Variants in COPS3 observed in about 807,000 individuals in gnomAD.
The protein encoded by COPS3 is COP9 signalosome complex subunit 3.
A neutral mutation model predicts 58.2 loss-of-function variants in COPS3; 10 were observed. The ratio of observed to expected loss-of-function variants is 0.17; its 90% CI spans 0.11 to 0.29. The LOEUF is 0.29. Among genes scored for constraint, COPS3 ranks in the 10% least tolerant of loss-of-function variants. The probability of loss-of-function intolerance (pLI) is 1.00; values close to 1 mark genes in which losing one functional copy is unlikely to be tolerated. For missense variants in COPS3, 333 were observed against 510.1 expected (o/e 0.65, Z 3.34); for synonymous variants, 187 against 181.7 (o/e 1.03, Z -0.24).
chr17:17,279,151 G>A (rs1007283756), intron 1 of COPS3, among the ~76,000 whole-genome samples: 1 of 152,158 alleles, frequency 6.6e-6, no homozygotes, highest in African/African-American at 2.4e-5. Context: ...TGGAATTACA[G>A]GAGTGAGCCA....
chr17:17,256,413 G>T (rs1038044060), intron 8 of COPS3, among the ~76,000 whole-genome samples: 3 of 152,048 alleles, frequency 2.0e-5, no homozygotes, highest in African/African-American at 7.2e-5. Context: ...TTAAACAAAT[G>T]GGGGAGTTAA....
chr17:17,252,923 A>T (rs906468307), intron 9 of COPS3, among the ~76,000 whole-genome samples: 2 of 152,184 alleles, frequency 1.3e-5, no homozygotes, highest in Non-Finnish European at 2.9e-5. Context: ...AAATTCAACT[A>T]TCAAAATGAA....
intron 2 of COPS3, among the ~76,000 whole-genome samples, chr17:17,272,073 A>C (rs936808402): frequency 2.6e-5 from 4 of 151,652 alleles, no homozygotes; most frequent in Admixed American, 2.6e-4. Context: ...GCAGATCACA[A>C]GGTCAGGAGT....
Position 17,247,630 on chromosome 17 carries a change from C to G in COPS3, c.1138-70G>C, listed in dbSNP as rs1417425231. On this transcript the variant is annotated intron_variant, in intron 10 of 11. Transcript: ENST00000268717. ...TCAGCTGCATCCTTTCTAACTTACACTGTTCACAAGGGTGCTATAGGTTCA... is the reference window on the plus strand; with the variant it reads ...TCAGCTGCATCCTTTCTAACTTACAGTGTTCACAAGGGTGCTATAGGTTCA... The G allele has an allele frequency of 3.4e-6, 5 of 1,476,284 alleles. No individual in the cohort carries two copies. In the South Asian group the frequency reaches 3.4e-5, roughly 10 times the overall value. The allele number at this position is 1,476,284 out of a possible 1,614,324, so 91.4% of individuals were successfully genotyped here. A position where few individuals can be genotyped will look rare whatever the true frequency, so the allele number is the denominator to read the frequency against.
intron 9 of COPS3, among the ~76,000 whole-genome samples, chr17:17,254,358 A>G (rs972701841): frequency 8.6e-5 from 13 of 151,800 alleles, no homozygotes; most frequent in Non-Finnish European, 1.6e-4. Context: ...TGTGTATATC[A>G]TATGAGCACA....
chr17:17,247,525 T>C lies in COPS3; in HGVS notation c.1173A>G (p.Lys391=). Residue 391 remains lysine, a synonymous_variant, in exon 11 of 12, where the codon AAA becomes AAG. Coordinates refer to ENST00000268717, the MANE Select transcript of COPS3 (RefSeq NM_003653.4). ...LKCIELDERL[K]AMDQEITVNP... is the part of the protein sequence containing the mutation. ...TCACTGTGATCTCCTGGTCCATGGCTTTCAGCCGCTCATCCAGCTCAATGC... is the reference window on the plus strand; with the variant it reads ...TCACTGTGATCTCCTGGTCCATGGCCTTCAGCCGCTCATCCAGCTCAATGC... The C allele has an allele frequency of 6.2e-7, 1 of 1,614,240 alleles. No homozygotes were observed. Among genetic ancestry groups the C allele is most frequent in the Non-Finnish European group, 8.5e-7 (1 of 1,180,034 alleles).
intron 1 of COPS3, among the ~76,000 whole-genome samples, chr17:17,278,666 C>T (rs1409729470): frequency 6.6e-6 from 1 of 152,138 alleles, no homozygotes. Flanking sequence ...TAATTTGTAA[C>T]ACCCAGAAAT....
In COPS3 at chr17:17,281,183, C is replaced by T. The variant is rs1420028668; in HGVS notation, c.4G>A (p.Ala2Thr). The T allele has an allele frequency of 1.2e-6, 2 of 1,610,564 alleles. No homozygotes were observed. Among genetic ancestry groups the T allele is most frequent in the Admixed American group, 1.7e-5 (1 of 59,572 alleles). ...TTCACGAACTGCTCCAGGGCAGACGCCATGTTTTCCCCCGGGCGGCCCGAG... is the reference window on the plus strand; with the variant it reads ...TTCACGAACTGCTCCAGGGCAGACGTCATGTTTTCCCCCGGGCGGCCCGAG... M[A>T]SALEQFVNSV... Residue 2 changes from alanine to threonine, a missense_variant, in exon 1 of 12, where the codon GCG becomes ACG. Coordinates refer to ENST00000268717, the MANE Select transcript of COPS3 (RefSeq NM_003653.4).
intron 1 of COPS3, chr17:17,280,658 G>A (rs1175776991): frequency 3.8e-6 from 5 of 1,305,206 alleles, no homozygotes; most frequent in Non-Finnish European, 5.0e-6. Flanking sequence ...GGAGGAGCTG[G>A]CAGAGGCGAG....
intron 1 of COPS3, chr17:17,280,765 T>G (rs996047194): frequency 8.0e-7 from 1 of 1,249,876 alleles, no homozygotes; most frequent in Non-Finnish European, 1.0e-6. Context: ...GACATGGCGG[T>G]GCGCCAATCA....
At chr17:17,274,831 C>T (rs891395378) in intron 2 of COPS3, among the ~76,000 whole-genome samples, 1 of 151,890 alleles carries the variant, frequency 6.6e-6, no homozygotes, top group Non-Finnish European at 1.5e-5. Context: ...TGATTTCTCC[C>T]CTAAAACCTA....
At chr17:17,249,185 A>T (rs1321780064) in intron 9 of COPS3, 146 bp from the exon 10 acceptor site, 2 of 569,710 alleles carry the variant, frequency 3.5e-6, no homozygotes, top group Non-Finnish European at 6.1e-6. Flanking sequence ...CTGTTTATCC[A>T]AGTATTTATT....
At chr17:17,267,736 G>C in intron 5 of COPS3, 149 bp downstream of exon 5, 1 of 601,118 alleles carries the variant, frequency 1.7e-6, no homozygotes, top group Non-Finnish European at 2.6e-6. Flanking sequence ...GCACCCGCCT[G>C]AATGTAATAG....
chr17:17,258,771 G>A (rs2048032175), intron 8 of COPS3, among the ~76,000 whole-genome samples: 1 of 152,178 alleles, frequency 6.6e-6, no homozygotes, highest in Non-Finnish European at 1.5e-5. Flanking sequence ...TGTAGGTCAA[G>A]CTGGTTTTTC....
intron 1 of COPS3, chr17:17,280,511 G>A: frequency 1.7e-6 from 2 of 1,187,088 alleles, no homozygotes; most frequent in Non-Finnish European, 2.2e-6. Context: ...AGTGAGCCGA[G>A]ATCGCGCCAC....
intron 5 of COPS3, among the ~76,000 whole-genome samples, chr17:17,265,500 G>C (rs531990784): frequency 6.6e-6 from 1 of 151,728 alleles, no homozygotes; most frequent in African/African-American, 2.4e-5. Context: ...CCGGGTTCAA[G>C]TGATTCTCCT....
In COPS3 at chr17:17,247,014, C is replaced by T; in HGVS notation, c.*84G>A. On this transcript the variant is annotated 3_prime_UTR_variant, in exon 12 of 12. Coordinates refer to ENST00000268717, the MANE Select transcript of COPS3 (RefSeq NM_003653.4). ...TTTCTTAGTCTCCAGGTGACACAGG[C>T]TTGGTCCTCTCTGCTGCCCTCCGAA... 1 of 1,202,870 alleles carries T rather than the reference C, an allele frequency of 8.3e-7. No individual in the cohort carries two copies. Among genetic ancestry groups the T allele is most frequent in the Non-Finnish European group, 1.2e-6 (1 of 804,930 alleles). The allele number at this position is 1,202,870 out of a possible 1,614,324, so 74.5% of individuals were successfully genotyped here. A position where few individuals can be genotyped will look rare whatever the true frequency, so the allele number is the denominator to read the frequency against.
chr17:17,253,189 G>T (rs957682107), intron 9 of COPS3, among the ~76,000 whole-genome samples: 1 of 152,164 alleles, frequency 6.6e-6, no homozygotes, highest in Non-Finnish European at 1.5e-5. Flanking sequence ...TTACGCCACT[G>T]CACTCCAGCC....
intron 9 of COPS3, among the ~76,000 whole-genome samples, chr17:17,251,396 G>A (rs1318522717): frequency 1.3e-5 from 2 of 152,004 alleles, no homozygotes; most frequent in Non-Finnish European, 2.9e-5. Context: ...CTGGGTTTGA[G>A]CGATTCTCCA....
Sources: gnomAD v4.1 joint callset for allele counts (sites outside exome capture counted in the v4.1 genomes callset) on GRCh38, gnomAD v4.1.1 for gene constraint, MANE v1.5 for transcripts, NCBI Gene and HGNC (gene_info 2026-07-23, HGNC 2026-07-21) for gene names.